GMDS: variants seen among roughly 807,000 people sequenced by gnomAD.
The protein encoded by GMDS is GDP-mannose 4,6-dehydratase.
Under a neutral mutation model 49.9 loss-of-function variants are expected in GMDS, and 20 were observed. The observed-to-expected ratio is 0.40, with a 90% confidence interval of 0.28 to 0.58. The LOEUF (loss-of-function observed/expected upper bound fraction) is 0.58. Ranked by LOEUF, GMDS falls within the 20% of genes least tolerant of loss-of-function variation. The probability of loss-of-function intolerance (pLI) is 0.42; values close to 1 mark genes in which losing one functional copy is unlikely to be tolerated. For missense variants in GMDS, 362 were observed against 481.4 expected (o/e 0.75, Z 2.32); for synonymous variants, 177 against 178.6 (o/e 0.99, Z 0.07).
At chr6:1,986,256 A>C (rs376326181) in intron 4 of GMDS, among the ~76,000 whole-genome samples, 2 of 152,306 alleles carry the variant, frequency 1.3e-5, no homozygotes, top group African/African-American at 4.8e-5. Flanking sequence ...TCCCTACCTC[A>C]AATTACTCTT....
chr6:1,849,649 C>T (rs574301008), intron 7 of GMDS, among the ~76,000 whole-genome samples: 88 of 152,218 alleles, frequency 5.8e-4, no homozygotes, highest in Admixed American at 4.9e-3. Flanking sequence ...AAAAATAAAT[C>T]CTAGAATTAC....
intron 4 of GMDS, among the ~76,000 whole-genome samples, chr6:2,002,209 T>C (rs771467958): frequency 1.3e-5 from 2 of 152,236 alleles, no homozygotes; most frequent in Non-Finnish European, 2.9e-5. Context: ...ATTTATTCAT[T>C]TAACAAACAT....
At chr6:1,709,065 G>C (rs1342156090) in intron 9 of GMDS, among the ~76,000 whole-genome samples, 1 of 152,206 alleles carries the variant, frequency 6.6e-6, no homozygotes, top group Non-Finnish European at 1.5e-5. Context: ...CAGCTCCACA[G>C]GTAGGCATGA....
At chr6:1,788,431 C>T (rs1246332331) in intron 7 of GMDS, among the ~76,000 whole-genome samples, 1 of 152,192 alleles carries the variant, frequency 6.6e-6, no homozygotes, top group African/African-American at 2.4e-5. Flanking sequence ...AGGTATGCAT[C>T]AATTCATTCA....
chr6:1,758,373 G>C (rs940564138), intron 7 of GMDS, among the ~76,000 whole-genome samples: 1 of 152,150 alleles, frequency 6.6e-6, no homozygotes, highest in East Asian at 1.9e-4. Context: ...GGCACTTGAC[G>C]TTTGAATGCC....
chr6:1,725,207 A>G (rs374862322), intron 9 of GMDS, among the ~76,000 whole-genome samples: 28 of 152,286 alleles, frequency 1.8e-4, no homozygotes, highest in African/African-American at 6.3e-4. Flanking sequence ...GATGCTTTCT[A>G]TTATCTTTAG....
In GMDS at chr6:1,808,904, C is replaced by CTCTGTG. The variant is rs1554121842; in HGVS notation, c.772-66319_772-66318insCACAGA. On this transcript the variant is annotated intron_variant, in intron 7 of 10. Transcript: ENST00000380815. ...TTCTTTGCACTAGTGCATGCTCTCT[C>CTCTGTG]TGTGTGTGTGTGTGTGTGTGTGTAC... 8.2e-4 allele frequency among the ~76,000 whole-genome samples: 123 copies of CTCTGTG among 149,416 alleles called. 1 individual carries two copies. Among genetic ancestry groups the CTCTGTG allele is most frequent in the African/African-American group, 2.8e-3 (114 of 40,390 alleles).
chr6:1,867,514 G>A (rs1318132877), intron 7 of GMDS, among the ~76,000 whole-genome samples: 4 of 152,130 alleles, frequency 2.6e-5, no homozygotes, highest in Non-Finnish European at 4.4e-5. Context: ...TTACAACATT[G>A]TAGACACAGA....
At chr6:2,207,292 C>T (rs922393585) in intron 1 of GMDS, among the ~76,000 whole-genome samples, 1 of 151,904 alleles carries the variant, frequency 6.6e-6, no homozygotes, top group Non-Finnish European at 1.5e-5. Flanking sequence ...GGTAAAGGCA[C>T]AGGGGACATG....
At chr6:2,006,867 T>C (rs530130259) in intron 4 of GMDS, among the ~76,000 whole-genome samples, 1 of 152,344 alleles carries the variant, frequency 6.6e-6, no homozygotes, top group Admixed American at 6.5e-5. Flanking sequence ...GGAGAATTAT[T>C]TGCAGGACAC....
At chr6:1,748,456 G>A (rs1203049689) in intron 7 of GMDS, among the ~76,000 whole-genome samples, 1 of 152,046 alleles carries the variant, frequency 6.6e-6, no homozygotes, top group East Asian at 1.9e-4. Context: ...TCACCTGATT[G>A]TTTTAGTAAA....
At chr6:1,769,608 C>A (rs1377486384) in intron 7 of GMDS, among the ~76,000 whole-genome samples, 3 of 152,222 alleles carry the variant, frequency 2.0e-5, no homozygotes, top group African/African-American at 4.8e-5. Flanking sequence ...CAAGCTTCGA[C>A]CTCAATAGTT....
At chr6:1,873,108 C>T (rs376896981) in intron 7 of GMDS, among the ~76,000 whole-genome samples, 1 of 152,218 alleles carries the variant, frequency 6.6e-6, no homozygotes, top group South Asian at 2.1e-4. Context: ...CGGCAAGTCG[C>T]CCAGTTCTTT....
intron 9 of GMDS, among the ~76,000 whole-genome samples, chr6:1,718,857 A>C (rs1210185501): frequency 3.3e-5 from 5 of 151,842 alleles, no homozygotes; most frequent in Admixed American, 3.3e-4. Context: ...ATTATATTTT[A>C]AATGTGCATG....
chr6:1,958,411 C>A (rs983168003), intron 6 of GMDS, among the ~76,000 whole-genome samples: 1 of 151,908 alleles, frequency 6.6e-6, no homozygotes, highest in Non-Finnish European at 1.5e-5. Flanking sequence ...ACTCTGTGGG[C>A]GCCCTCATAC....
intron 9 of GMDS, among the ~76,000 whole-genome samples, chr6:1,668,184 T>G (rs766564479): frequency 6.6e-6 from 1 of 152,250 alleles, no homozygotes; most frequent in Non-Finnish European, 1.5e-5. Flanking sequence ...CTTTTTTCTT[T>G]TTTTGCTTTG....
At chr6:1,951,158 A>C (rs1406161490) in intron 6 of GMDS, among the ~76,000 whole-genome samples, 2 of 152,202 alleles carry the variant, frequency 1.3e-5, no homozygotes, top group Non-Finnish European at 2.9e-5. Flanking sequence ...AAAACAAATC[A>C]AAAGGAAAAT....
chr6:2,149,213 T>C (rs1776723372), intron 1 of GMDS, among the ~76,000 whole-genome samples: 1 of 152,198 alleles, frequency 6.6e-6, no homozygotes, highest in African/African-American at 2.4e-5. Flanking sequence ...TAGGCAACTA[T>C]ATATTCTTAT....
intron 9 of GMDS, among the ~76,000 whole-genome samples, chr6:1,643,329 T>A (rs1763389019): frequency 6.6e-6 from 1 of 152,172 alleles, no homozygotes; most frequent in Non-Finnish European, 1.5e-5. Flanking sequence ...TGTAAGGAAA[T>A]GCAATTTCCT....
Sources: allele counts gnomAD v4.1 joint callset (sites outside exome capture counted in the v4.1 genomes callset), GRCh38; gene constraint gnomAD v4.1.1; transcripts MANE v1.5; gene names NCBI Gene and HGNC (gene_info 2026-07-23, HGNC 2026-07-21).